ROBO1: variants seen among roughly 807,000 people sequenced by gnomAD.
ROBO1 encodes the protein roundabout guidance receptor 1, also known as roundabout homolog 1.
Under a neutral mutation model 195.9 loss-of-function variants are expected in ROBO1, and 149 were observed. That is an observed-to-expected ratio of 0.76 (90% CI 0.67 to 0.87). ROBO1 has a LOEUF of 0.87. Ranked by LOEUF, ROBO1 falls within the 40% of genes least tolerant of loss-of-function variation. The pLI, the probability that ROBO1 is intolerant of heterozygous loss-of-function variation, is 0.00. For synonymous variants in ROBO1, 816 were observed against 733.2 expected (o/e 1.11, Z -1.82); for missense variants, 1,933 against 2,068.3 (o/e 0.93, Z 1.27).
intron 2 of ROBO1, among the ~76,000 whole-genome samples, chr3:79,146,940 T>C (rs1377682795): frequency 2.0e-5 from 3 of 151,910 alleles, no homozygotes; most frequent in African/African-American, 7.2e-5. Context: ...CTATATATTG[T>C]CAGAGTGTAA....
chr3:79,006,918 A>AG (rs1274837832), intron 3 of ROBO1, among the ~76,000 whole-genome samples: 2 of 152,158 alleles, frequency 1.3e-5, no homozygotes, highest in African/African-American at 2.4e-5. Flanking sequence ...AGGACATCCC[A>AG]GGATACCAAG....
chr3:79,000,266 G>T (rs1361120104), intron 3 of ROBO1, among the ~76,000 whole-genome samples: 1 of 152,044 alleles, frequency 6.6e-6, no homozygotes, highest in African/African-American at 2.4e-5. Flanking sequence ...CTCTTTGATG[G>T]GGTTGTTTTT....
In ROBO1 at chr3:78,668,043, T is replaced by G. The variant is rs749896338; in HGVS notation, c.1806A>C (p.Ala602=). 1.9e-6 allele frequency: 3 copies of G among 1,613,594 alleles called. No individual in the cohort carries two copies. Among genetic ancestry groups the G allele is most frequent in the Non-Finnish European group, 2.5e-6 (3 of 1,179,678 alleles). ...TSYIIEAFSH[A]SGSSWQTVAE... is the part of the protein sequence containing the mutation. Reference sequence around the variant, plus strand: ...CTACGGTCTGCCAGCTGCTACCAGATGCATGGCTAAGGATAGACACACAGG... The same window carrying G: ...CTACGGTCTGCCAGCTGCTACCAGAGGCATGGCTAAGGATAGACACACAGG... The change falls in exon 14 of 31, where the codon GCA becomes GCC. Residue 602 remains alanine (A), a synonymous_variant. Transcript: ENST00000464233.
intron 2 of ROBO1, among the ~76,000 whole-genome samples, chr3:79,484,139 G>A (rs999603737): frequency 1.3e-5 from 2 of 152,194 alleles, no homozygotes; most frequent in Admixed American, 1.3e-4. Context: ...TTGTCTTAGA[G>A]ATCCCCCACG....
intron 1 of ROBO1, among the ~76,000 whole-genome samples, chr3:79,763,846 G>T (rs553419250): frequency 2.8e-4 from 43 of 152,246 alleles, no homozygotes; most frequent in Admixed American, 5.9e-4. Flanking sequence ...AAGATATCAA[G>T]GAGATTAAAA....
At chr3:78,980,620 A>G (rs1383725976) in intron 3 of ROBO1, among the ~76,000 whole-genome samples, 1 of 152,182 alleles carries the variant, frequency 6.6e-6, no homozygotes, top group African/African-American at 2.4e-5. Context: ...CACCGTAACA[A>G]TAACTACTAG....
At chr3:78,713,089 T>C (rs1421423330) in intron 8 of ROBO1, among the ~76,000 whole-genome samples, 5 of 152,178 alleles carry the variant, frequency 3.3e-5, no homozygotes, top group South Asian at 2.1e-4. Context: ...AGAGGTTTTC[T>C]TTTCTTAGTT....
At chr3:79,737,035 T>C (rs1207871146) in intron 1 of ROBO1, among the ~76,000 whole-genome samples, 1 of 152,202 alleles carries the variant, frequency 6.6e-6, no homozygotes, top group African/African-American at 2.4e-5. Flanking sequence ...CACTTATTAA[T>C]GGCTCTTACA....
At chr3:79,664,339 G>C (rs376241812) in intron 1 of ROBO1, among the ~76,000 whole-genome samples, 1 of 152,048 alleles carries the variant, frequency 6.6e-6, no homozygotes, top group African/African-American at 2.4e-5. Flanking sequence ...GTCTTAAAAT[G>C]AGTAGACAAT....
At chr3:79,297,024 C>T (rs769041130) in intron 2 of ROBO1, among the ~76,000 whole-genome samples, 5 of 152,058 alleles carry the variant, frequency 3.3e-5, no homozygotes, top group Admixed American at 2.0e-4. Context: ...CATAAAATCC[C>T]GAAGTCTAAT....
chr3:79,320,924 T>C (rs1028272388), intron 2 of ROBO1, among the ~76,000 whole-genome samples: 1 of 152,174 alleles, frequency 6.6e-6, no homozygotes, highest in African/African-American at 2.4e-5. Context: ...ATACTTGGAA[T>C]TTTGAAGCTG....
intron 2 of ROBO1, among the ~76,000 whole-genome samples, chr3:79,146,857 T>C (rs2080663765): frequency 1.3e-5 from 2 of 151,970 alleles, no homozygotes; most frequent in Non-Finnish European, 2.9e-5. Flanking sequence ...GCCAGTTTTC[T>C]TGAATGTAGG....
At chr3:79,698,908 GT>G (rs963490807) in intron 1 of ROBO1, among the ~76,000 whole-genome samples, 3 of 150,840 alleles carry the variant, frequency 2.0e-5, no homozygotes, top group Non-Finnish European at 4.4e-5. Context: ...TAAAATAATA[GT>G]TTTTTTTGAC....
intron 1 of ROBO1, among the ~76,000 whole-genome samples, chr3:79,765,714 G>A (rs1378181305): frequency 1.3e-5 from 2 of 152,066 alleles, no homozygotes. Context: ...TGGAAAGCGA[G>A]GAAAAAATGA....
intron 2 of ROBO1, among the ~76,000 whole-genome samples, chr3:79,382,502 T>C (rs1575752934): frequency 6.6e-6 from 1 of 152,162 alleles, no homozygotes; most frequent in Admixed American, 6.5e-5. Flanking sequence ...TTATAATAGA[T>C]GCTGCTAATT....
intron 8 of ROBO1, among the ~76,000 whole-genome samples, chr3:78,707,987 C>A (rs779699740): frequency 6.6e-6 from 1 of 152,088 alleles, no homozygotes; most frequent in Non-Finnish European, 1.5e-5. Context: ...GTTCTTGGTT[C>A]GGTTTCCTGT....
chr3:79,040,254 T>G (rs1054624435), intron 3 of ROBO1, among the ~76,000 whole-genome samples: 1 of 152,140 alleles, frequency 6.6e-6, no homozygotes, highest in African/African-American at 2.4e-5. Context: ...ATCAATGGTG[T>G]GCTGGTCAAA....
intron 1 of ROBO1, among the ~76,000 whole-genome samples, chr3:79,650,054 A>G (rs1046902639): frequency 2.0e-5 from 3 of 152,064 alleles, no homozygotes; most frequent in Non-Finnish European, 4.4e-5. Flanking sequence ...ATAAAACAAT[A>G]AATCCAAATA....
chr3:78,960,568 C>T (rs2041281707), intron 3 of ROBO1, among the ~76,000 whole-genome samples: 1 of 151,872 alleles, frequency 6.6e-6, no homozygotes. Context: ...ATCACGAGGT[C>T]AAGAGATCGA....
Sources: allele counts gnomAD v4.1 joint callset (sites outside exome capture counted in the v4.1 genomes callset), GRCh38; gene constraint gnomAD v4.1.1; transcripts MANE v1.5; gene names NCBI Gene and HGNC (gene_info 2026-07-23, HGNC 2026-07-21).